The following HERC4 variants were observed in gnomAD, a reference collection of about 807,000 sequenced individuals.
The protein encoded by HERC4 is HECT and RLD domain containing E3 ubiquitin protein ligase 4, also known as probable E3 ubiquitin-protein ligase HERC4.
Under a neutral mutation model 124.3 loss-of-function variants are expected in HERC4, and 28 were observed. The ratio of observed to expected loss-of-function variants is 0.23; its 90% CI spans 0.17 to 0.31. The LOEUF (loss-of-function observed/expected upper bound fraction) is 0.31. HERC4 is among the 10% of genes least tolerant of loss of function. The pLI, the probability that HERC4 is intolerant of heterozygous loss-of-function variation, is 1.00. For synonymous variants in HERC4, 407 were observed against 421.5 expected (o/e 0.97, Z 0.42); for missense variants, 713 against 1,229.3 (o/e 0.58, Z 6.28).
At chr10:67,957,821 T>TC (rs891793120) in intron 16 of HERC4, among the ~76,000 whole-genome samples, 2 of 152,048 alleles carry the variant, frequency 1.3e-5, no homozygotes, top group African/African-American at 4.8e-5. Flanking sequence ...CATTTTTTTT[T>TC]CCCCCATACA....
At chr10:68,051,939 G>A (rs2040335186) in intron 3 of HERC4, among the ~76,000 whole-genome samples, 1 of 151,916 alleles carries the variant, frequency 6.6e-6, no homozygotes, top group Non-Finnish European at 1.5e-5. Flanking sequence ...AAAGTGTTGA[G>A]ATTACAGGCA....
intron 15 of HERC4, among the ~76,000 whole-genome samples, chr10:67,976,739 C>T (rs191890095): frequency 5.3e-5 from 8 of 152,190 alleles, no homozygotes; most frequent in Admixed American, 2.0e-4. Flanking sequence ...TTCTGTGCAC[C>T]GGGGAGAGAA....
At chr10:68,036,160 C>T (rs1249634803) in intron 5 of HERC4, among the ~76,000 whole-genome samples, 2 of 150,944 alleles carry the variant, frequency 1.3e-5, no homozygotes, top group African/African-American at 4.9e-5. Flanking sequence ...TAAAAAAAAA[C>T]GCAAAAAATT....
chr10:68,020,988 C>T (rs1016821065), intron 8 of HERC4, among the ~76,000 whole-genome samples: 1 of 152,120 alleles, frequency 6.6e-6, no homozygotes, highest in Non-Finnish European at 1.5e-5. Context: ...AACATAAGCA[C>T]TGTAGAATTC....
In HERC4 at chr10:67,954,628, A is replaced by G. The variant is rs143626333; in HGVS notation, c.2304T>C (p.Tyr768=). Residue 768 remains tyrosine (Y), a synonymous_variant, in exon 19 of 25, where the codon TAT becomes TAC. Coordinates refer to ENST00000373700, the MANE Select transcript of HERC4 (RefSeq NM_015601.4). Reference sequence around the variant, plus strand: ...AAAACCAAATGAGCCTGGAATCTTCATAATACCTAAACATGCCGTATTTAG... The same window carrying G: ...AAAACCAAATGAGCCTGGAATCTTCGTAATACCTAAACATGCCGTATTTAG... The part of the protein sequence containing the change: ...LDPKYGMFRY[Y]EDSRLIWFSD... 179 of 1,613,324 alleles carry G rather than the reference A, an allele frequency of 1.1e-4. No individual in the cohort carries two copies. The African/African-American group carries it at 2.1e-3, about 19-fold the overall frequency.
chr10:68,028,350 T>C (rs2039011900), intron 7 of HERC4, among the ~76,000 whole-genome samples: 1 of 152,176 alleles, frequency 6.6e-6, no homozygotes. Flanking sequence ...CAAAAATTCA[T>C]GGATTTTTTT....
chr10:67,946,902 G>A (rs149994771), intron 19 of HERC4, among the ~76,000 whole-genome samples: 3 of 152,226 alleles, frequency 2.0e-5, no homozygotes, highest in Non-Finnish European at 4.4e-5. Context: ...GCGAGACTCT[G>A]TCTCAAAACA....
At chr10:67,951,414 T>C (rs150905967) in intron 19 of HERC4, among the ~76,000 whole-genome samples, 234 of 152,342 alleles carry the variant, frequency 1.5e-3, no homozygotes, top group African/African-American at 5.1e-3. Flanking sequence ...ACTCATAGGT[T>C]ATCCCTAAAC....
chr10:67,935,547 CCT>C (rs1419758941), intron 22 of HERC4, among the ~76,000 whole-genome samples: 1 of 152,134 alleles, frequency 6.6e-6, no homozygotes, highest in Admixed American at 6.5e-5. Flanking sequence ...ACTTAATCTC[CCT>C]GTTTTCAGTT....
At chr10:67,979,433 A>C (rs1197877806) in intron 15 of HERC4, among the ~76,000 whole-genome samples, 1 of 152,096 alleles carries the variant, frequency 6.6e-6, no homozygotes, top group Non-Finnish European at 1.5e-5. Context: ...AGAATAAAAA[A>C]CAATAAGGCA....
At chr10:68,070,798 AC>A (rs148901885) in intron 3 of HERC4, among the ~76,000 whole-genome samples, 2,156 of 149,458 alleles carry the variant, frequency 0.014, 37 homozygotes, top group African/African-American at 0.049. Flanking sequence ...CAGGATCAGG[AC>A]CCCCCCCTTC....
At chr10:68,047,662 T>C (rs551075898) in intron 3 of HERC4, among the ~76,000 whole-genome samples, 1 of 152,242 alleles carries the variant, frequency 6.6e-6, no homozygotes, top group South Asian at 2.1e-4. Flanking sequence ...CCATGGGAAT[T>C]ACAATTTAAA....
At position 67,922,627 on chromosome 10, in the gene HERC4, C is replaced by T. The variant is rs2030335048; in HGVS notation, c.*304G>A. On this transcript the variant is annotated 3_prime_UTR_variant, in exon 25 of 25. Transcript: ENST00000373700. ...ATTAAGCAATATTTCCATGCACTCACACCAGATCATTTCTGAAATATGCAA... is the reference window on the plus strand; with the variant it reads ...ATTAAGCAATATTTCCATGCACTCATACCAGATCATTTCTGAAATATGCAA... 5.6e-6 allele frequency: 1 copy of T among 179,732 alleles called. No homozygotes were observed. Among genetic ancestry groups the T allele is most frequent in the African/African-American group, 2.4e-5 (1 of 42,474 alleles). 11.1% of individuals were successfully genotyped at this position (179,732 alleles called of 1,614,324 possible). A position where few individuals can be genotyped will look rare whatever the true frequency, so the allele number is the denominator to read the frequency against.
At chr10:67,935,709 CTGT>C (rs1008004016) in intron 22 of HERC4, among the ~76,000 whole-genome samples, 6 of 152,164 alleles carry the variant, frequency 3.9e-5, no homozygotes, top group African/African-American at 1.2e-4. Flanking sequence ...CTAATTTCTT[CTGT>C]TGTTGTTTTA....
At chr10:67,943,388 T>A (rs2132163312) in intron 19 of HERC4, among the ~76,000 whole-genome samples, 1 of 152,276 alleles carries the variant, frequency 6.6e-6, no homozygotes, top group Admixed American at 6.5e-5. Context: ...TTTCAAAATA[T>A]GAAAAGTAGA....
chr10:67,959,405 C>T lies in HERC4; in HGVS notation c.1927-2429G>A, dbSNP rs541768611. 1.3e-4 allele frequency among the ~76,000 whole-genome samples: 20 copies of T among 151,974 alleles called. No individual in the cohort carries two copies. The East Asian group carries it at 3.9e-3, about 29-fold the overall frequency. ...GAAATTTGTTTTCAGCAATTAAACA[C>T]CCCCATTTGCAGAATTTAGGCAGAA... On this transcript the variant is annotated intron_variant, in intron 16 of 24. Coordinates refer to ENST00000373700, the MANE Select transcript of HERC4 (RefSeq NM_015601.4).
At chr10:68,022,304 A>C (rs951734773) in intron 8 of HERC4, among the ~76,000 whole-genome samples, 3 of 152,068 alleles carry the variant, frequency 2.0e-5, no homozygotes, top group African/African-American at 7.2e-5. Context: ...GTTCGAGACC[A>C]GCCTGACCAA....
At chr10:68,010,322 G>A (rs2037867385) in intron 9 of HERC4, 3 of 936,242 alleles carry the variant, frequency 3.2e-6, no homozygotes, top group Admixed American at 4.1e-5. Flanking sequence ...CAAAATGGGA[G>A]CCTGGGGCAC....
chr10:68,050,151 C>A (rs2040224328), intron 3 of HERC4, among the ~76,000 whole-genome samples: 1 of 152,166 alleles, frequency 6.6e-6, no homozygotes. Context: ...AAGACTGCAT[C>A]ACTGCACTCC....
Sources: gnomAD v4.1 joint callset for allele counts (sites outside exome capture counted in the v4.1 genomes callset) on GRCh38, gnomAD v4.1.1 for gene constraint, MANE v1.5 for transcripts, NCBI Gene and HGNC (gene_info 2026-07-23, HGNC 2026-07-21) for gene names.